The following TBC1D5 variants were observed in gnomAD, a reference collection of about 807,000 sequenced individuals.
The protein encoded by TBC1D5 is TBC1 domain family member 5.
TBC1D5 carries 75 observed loss-of-function variants against 100.3 expected under a neutral mutation model. The observed-to-expected ratio is 0.75, with a 90% CI of 0.62 to 0.91. The LOEUF (loss-of-function observed/expected upper bound fraction) is 0.91. TBC1D5 is among the 40% of genes least tolerant of loss of function. The probability of loss-of-function intolerance (pLI) is 0.00; values close to 1 mark genes in which losing one functional copy is unlikely to be tolerated. For synonymous variants in TBC1D5, 323 were observed against 325.6 expected (o/e 0.99, Z 0.09); for missense variants, 910 against 942.4 (o/e 0.97, Z 0.45).
rs555594422 is a variant in TBC1D5 at position 17,734,996 on chromosome 3, G to A, written c.-101+4347C>T. Among the ~76,000 whole-genome samples, 4 of 152,164 alleles carry A rather than the reference G, an allele frequency of 2.6e-5. No homozygotes were observed. The South Asian group carries it at 8.3e-4, about 32-fold the overall frequency. On this transcript the variant is annotated intron_variant, in intron 1 of 21. Transcript: ENST00000253692. ...TGGTCTCAGCTACTCAGAAGGCCGAGGTGGAAGGATCACTTGAGCCTAGGA... is the reference window on the plus strand; with the variant it reads ...TGGTCTCAGCTACTCAGAAGGCCGAAGTGGAAGGATCACTTGAGCCTAGGA...
intron 3 of TBC1D5, among the ~76,000 whole-genome samples, chr3:17,477,380 G>C (rs2095450054): frequency 6.6e-6 from 1 of 151,880 alleles, no homozygotes; most frequent in African/African-American, 2.4e-5. Flanking sequence ...GGTTATACCA[G>C]TCACGTAATA....
At chr3:17,671,021 T>C (rs1329426887) in intron 1 of TBC1D5, among the ~76,000 whole-genome samples, 2 of 152,220 alleles carry the variant, frequency 1.3e-5, no homozygotes, top group African/African-American at 4.8e-5. Context: ...TTATTAGTCT[T>C]TCACTCAGCT....
chr3:17,404,820 TA>T, intron 6 of TBC1D5, 51 bp downstream of exon 6: 2 of 1,578,672 alleles, frequency 1.3e-6, no homozygotes, highest in Admixed American at 3.7e-5. Context: ...TACTGGACTT[TA>T]AAGTGTACAT....
chr3:17,436,433 C>A (rs1366327989), intron 3 of TBC1D5, among the ~76,000 whole-genome samples: 1 of 152,132 alleles, frequency 6.6e-6, no homozygotes, highest in East Asian at 1.9e-4. Context: ...GCTACTAGTT[C>A]TACACAAGGA....
intron 2 of TBC1D5, among the ~76,000 whole-genome samples, chr3:17,577,742 A>C (rs1198284625): frequency 6.6e-6 from 1 of 152,008 alleles, no homozygotes; most frequent in Non-Finnish European, 1.5e-5. Flanking sequence ...ATTATGAAAG[A>C]GGTATAAAAC....
At chr3:17,426,081 A>G (rs1196068462) in intron 4 of TBC1D5, among the ~76,000 whole-genome samples, 2 of 152,172 alleles carry the variant, frequency 1.3e-5, no homozygotes, top group Non-Finnish European at 2.9e-5. Flanking sequence ...CTAGGATTTC[A>G]GAGGCGGTTT....
intron 1 of TBC1D5, among the ~76,000 whole-genome samples, chr3:17,655,054 CTTCT>C (rs2065925819): frequency 6.6e-6 from 1 of 151,320 alleles, no homozygotes; most frequent in Non-Finnish European, 1.5e-5. Flanking sequence ...TCTCTCTTTT[CTTCT>C]TTATTAGTCT....
chr3:17,529,910 T>C (rs1445283033), intron 2 of TBC1D5, among the ~76,000 whole-genome samples: 1 of 152,142 alleles, frequency 6.6e-6, no homozygotes. Flanking sequence ...GGGTTAACTA[T>C]GCATTTTTAT....
chr3:17,374,282 C>A (rs1242920583), intron 12 of TBC1D5, among the ~76,000 whole-genome samples, 189 bp downstream of exon 12: 1 of 151,998 alleles, frequency 6.6e-6, no homozygotes, highest in African/African-American at 2.4e-5. Flanking sequence ...TTTACAATTG[C>A]CTTTGTGTAT....
chr3:17,294,644 A>T (rs2150217409), intron 14 of TBC1D5, among the ~76,000 whole-genome samples: 1 of 152,330 alleles, frequency 6.6e-6, no homozygotes, highest in South Asian at 2.1e-4. Context: ...CTATCCATCC[A>T]TCCAGTCACT....
chr3:17,460,086 G>A (rs2095173648), intron 3 of TBC1D5, among the ~76,000 whole-genome samples: 1 of 152,134 alleles, frequency 6.6e-6, no homozygotes, highest in African/African-American at 2.4e-5. Flanking sequence ...CTGTTTCACT[G>A]GAGTCAGGTA....
exon 21 of TBC1D5, chr3:17,166,915 A>T: frequency 1.2e-6 from 2 of 1,605,454 alleles, no homozygotes; most frequent in Admixed American, 3.5e-5. Context: ...GGAACCTTTT[A>T]GAATGTCTTT....
intron 1 of TBC1D5, among the ~76,000 whole-genome samples, chr3:17,645,194 A>C (rs536759714): frequency 6.6e-6 from 1 of 152,268 alleles, no homozygotes; most frequent in Non-Finnish European, 1.5e-5. Context: ...AGTGAGAAGA[A>C]AGAAATTGGT....
chr3:17,589,600 G>A (rs1314927348), intron 2 of TBC1D5, among the ~76,000 whole-genome samples: 1 of 152,196 alleles, frequency 6.6e-6, no homozygotes, highest in African/African-American at 2.4e-5. Flanking sequence ...CCAGCCACAT[G>A]GAACTGCAAG....
intron 2 of TBC1D5, among the ~76,000 whole-genome samples, chr3:17,577,435 C>A (rs997805004): frequency 2.0e-5 from 3 of 151,958 alleles, no homozygotes; most frequent in African/African-American, 7.2e-5. Context: ...AACATCCACA[C>A]AAGCATTTTT....
At chr3:17,554,293 T>G (rs897607669) in intron 2 of TBC1D5, among the ~76,000 whole-genome samples, 9 of 152,196 alleles carry the variant, frequency 5.9e-5, no homozygotes, top group Non-Finnish European at 1.2e-4. Context: ...GAAACATCGT[T>G]TGGAAATAAT....
chr3:17,232,802 T>C (rs984352556), intron 17 of TBC1D5, among the ~76,000 whole-genome samples: 4 of 152,192 alleles, frequency 2.6e-5, no homozygotes, highest in African/African-American at 4.8e-5. Flanking sequence ...TGAGGACATA[T>C]CATTATTAAA....
chr3:17,491,896 T>G (rs755958943), intron 3 of TBC1D5, among the ~76,000 whole-genome samples: 2 of 152,222 alleles, frequency 1.3e-5, no homozygotes, highest in African/African-American at 4.8e-5. Flanking sequence ...GCACCTCTGA[T>G]AGAATTTGGC....
intron 3 of TBC1D5, among the ~76,000 whole-genome samples, chr3:17,498,304 T>C (rs557069908): frequency 2.6e-4 from 39 of 152,256 alleles, no homozygotes; most frequent in African/African-American, 8.7e-4. Flanking sequence ...AAACAACTAT[T>C]TGATTAACAA....
Sources: gnomAD v4.1 joint callset for allele counts (sites outside exome capture counted in the v4.1 genomes callset) on GRCh38, gnomAD v4.1.1 for gene constraint, MANE v1.5 for transcripts, NCBI Gene and HGNC (gene_info 2026-07-23, HGNC 2026-07-21) for gene names.